Variants in HAL observed in about 807,000 individuals in gnomAD.
HAL encodes the protein histidine ammonia-lyase.
A neutral mutation model predicts 81.1 loss-of-function variants in HAL; 85 were observed. The ratio of observed to expected loss-of-function variants is 1.05; its 90% CI spans 0.88 to 1.25. The LOEUF (loss-of-function observed/expected upper bound fraction) is 1.25. Among genes scored for constraint, HAL ranks in the 50% most tolerant of loss-of-function variants. HAL has a pLI of 0.00. For synonymous variants in HAL, 301 were observed against 309.2 expected (o/e 0.97, Z 0.28); for missense variants, 798 against 836.6 (o/e 0.95, Z 0.57).
intron 9 of HAL, 69 bp downstream of exon 9, chr12:95,992,611 C>T (rs1592850543): frequency 8.0e-6 from 11 of 1,383,256 alleles, no homozygotes; most frequent in Non-Finnish European, 1.1e-5. Context: ...AGCATCTGGC[C>T]AATCAATTCT....
Position 95,994,783 on chromosome 12 carries a change from T to C in HAL, c.336+15A>G, listed in dbSNP as rs769065083. 8 of 1,612,422 alleles carry C rather than the reference T, an allele frequency of 5.0e-6. No individual in the cohort carries two copies. The Admixed American group carries it at 1.2e-4, about 24-fold the overall frequency. ...CTTAATTTTCTGAAGAAAAAGAAAG[T>C]GGTTTGAAGCTTACCTTTTCAGGCT... On this transcript the variant is annotated intron_variant, in intron 4 of 20. Transcript: ENST00000261208.
intron 9 of HAL, among the ~76,000 whole-genome samples, chr12:95,991,249 T>A (rs896019357): frequency 6.6e-6 from 1 of 152,232 alleles, no homozygotes; most frequent in Non-Finnish European, 1.5e-5. Context: ...ACTAGCTGTT[T>A]TTTTTTGTTT....
Position 95,982,117 on chromosome 12 carries a change from G to C in HAL, c.1288-1254C>G, listed in dbSNP as rs376806379. On this transcript the variant is annotated intron_variant, in intron 15 of 20. Coordinates refer to ENST00000261208, the MANE Select transcript of HAL (RefSeq NM_002108.4). ...TTAGACATGTTTTTATTGTCCTCTA[G>C]TTGTTCCAAATTTGTTTGTTGGCTA... Among the ~76,000 whole-genome samples, 20 of 152,238 alleles carry C rather than the reference G, an allele frequency of 1.3e-4. No homozygotes were observed. In the East Asian group the frequency reaches 1.5e-3, roughly 12 times the overall value.
In HAL at chr12:95,977,926, C is replaced by T. The variant is rs769249212; in HGVS notation, c.1654+18G>A. Reference sequence around the variant, plus strand: ...GGTCTATCAGGCAGGCCCGCCACCCCGAACTCATCAGCATTACCTTGCTCC... The same window carrying T: ...GGTCTATCAGGCAGGCCCGCCACCCTGAACTCATCAGCATTACCTTGCTCC... On this transcript the variant is annotated intron_variant, in intron 18 of 20. Transcript: ENST00000261208. 6.2e-6 allele frequency: 10 copies of T among 1,613,818 alleles called. No individual in the cohort carries two copies. Among genetic ancestry groups the T allele is most frequent in the Middle Eastern group, 1.7e-4 (1 of 6,058 alleles).
chr12:95,996,116 G>C lies in HAL; in HGVS notation c.-120C>G, dbSNP rs537728013. ...GGTTTTTGTAGCCGAGCAGGGGCAG[G>C]AGCAGGGGATGCAGACGGGTGAGCC... On this transcript the variant is annotated 5_prime_UTR_variant, in exon 1 of 21. Transcript: ENST00000261208. The C allele has an allele frequency of 1.7e-6, 1 of 601,794 alleles. No individual in the cohort carries two copies. The highest frequency in any genetic ancestry group is 1.8e-5 in the African/African-American group (1 of 54,840). 37.3% of individuals were successfully genotyped at this position (601,794 alleles called of 1,614,324 possible).
At chr12:95,988,357 G>T in intron 10 of HAL, 117 bp from the exon 11 acceptor site, 1 of 722,626 alleles carries the variant, frequency 1.4e-6, no homozygotes. Flanking sequence ...TATAAGAAAT[G>T]AGACCTACAG....
intron 8 of HAL, 81 bp from the exon 9 acceptor site, chr12:95,992,886 C>T (rs1275217713): frequency 1.5e-6 from 2 of 1,321,100 alleles, no homozygotes; most frequent in African/African-American, 2.9e-5. Flanking sequence ...TCCCTCCAAT[C>T]TTTCCCATAT....
chr12:95,982,515 A>C (rs1208411234), intron 15 of HAL, among the ~76,000 whole-genome samples: 1 of 152,280 alleles, frequency 6.6e-6, no homozygotes, highest in African/African-American at 2.4e-5. Flanking sequence ...GGTACGTGAG[A>C]TAAGACTACA....
intron 14 of HAL, 103 bp from the exon 15 acceptor site, chr12:95,984,094 T>C: frequency 1.4e-6 from 1 of 698,672 alleles, no homozygotes; most frequent in Admixed American, 2.1e-5. Context: ...TTATAAAGAA[T>C]ACAGAAGATC....
intron 20 of HAL, 159 bp downstream of exon 20, chr12:95,976,270 T>C: frequency 2.8e-6 from 2 of 720,430 alleles, no homozygotes; most frequent in Non-Finnish European, 5.1e-6. Flanking sequence ...GTTTATTATA[T>C]GGCTTCTTAG....
chr12:95,978,671 G>A (rs2080755144), intron 17 of HAL, among the ~76,000 whole-genome samples: 1 of 152,148 alleles, frequency 6.6e-6, no homozygotes, highest in Non-Finnish European at 1.5e-5. Flanking sequence ...CAAATATACT[G>A]AGCTTTGGGT....
At position 95,980,651 on chromosome 12, in the gene HAL, C is replaced by A; in HGVS notation, c.1424G>T (p.Cys475Phe). 2 of 1,613,924 alleles carry A rather than the reference C, an allele frequency of 1.2e-6. No homozygotes were observed. The highest frequency in any genetic ancestry group is 1.7e-6 in the Non-Finnish European group (2 of 1,179,790). Reference protein sequence around the residue: ...AISERRIERLCNPSLSELPAF... With the variant: ...AISERRIERLFNPSLSELPAF... ...AGGCAGCTCACTGAGGGAGGGATTG[C>A]AGAGCCGCTCGATTCTTCTCTCACT... Residue 475 changes from cysteine to phenylalanine, a missense_variant, in exon 17 of 21, where the codon TGC becomes TTC. Transcript: ENST00000261208.
chr12:95,992,753 C>T lies in HAL; in HGVS notation c.642G>A (p.Arg214=). 6.2e-7 allele frequency: 1 copy of T among 1,612,018 alleles called. No individual in the cohort carries two copies. The highest frequency in any genetic ancestry group is 8.5e-7 in the Non-Finnish European group (1 of 1,178,040). Reference sequence around the variant, plus strand: ...TGTATCCTTTGGCTAAGACATTGATCCTTAAAGCCAAGAGCATCCGACACC... The same window carrying T: ...TGTATCCTTTGGCTAAGACATTGATTCTTAAAGCCAAGAGCATCCGACACC... ...PERCRMLLAL[R]INVLAKGYSG... Residue 214 remains arginine, a synonymous_variant, in exon 9 of 21, where the codon AGG becomes AGA. Transcript: ENST00000261208.
chr12:95,994,042 C>A, intron 5 of HAL, 44 bp from the exon 6 acceptor site: 3 of 1,595,028 alleles, frequency 1.9e-6, no homozygotes, highest in South Asian at 2.2e-5. Context: ...AAGACTTCCA[C>A]GGGCAACAAA....
chr12:95,988,165 T>A, intron 11 of HAL, 28 bp downstream of exon 11: 1 of 1,145,484 alleles, frequency 8.7e-7, no homozygotes, highest in Non-Finnish European at 1.3e-6. Context: ...TCATGCACTA[T>A]GAACATATTT....
At chr12:95,976,544 C>A in intron 19 of HAL, 46 bp from the exon 20 acceptor site, 5 of 1,590,848 alleles carry the variant, frequency 3.1e-6, no homozygotes, top group Non-Finnish European at 3.5e-6. Context: ...TGAAACCCTG[C>A]CAGGGTTCAC....
rs745633929 is a variant in HAL, at chr12:95,976,632, C to G, written c.1729G>C (p.Glu577Gln). ...GAGCGCACCAGGTCATAGACCTTCTCCAGCGGAGTGGTTGTTTTCAGGGGA... is the reference window on the plus strand; with the variant it reads ...GAGCGCACCAGGTCATAGACCTTCTGCAGCGGAGTGGTTGTTTTCAGGGGA... ...LRPLKTTTPL[E>Q]KVYDLVRSVV... Residue 577 changes from glutamate (E) to glutamine (Q), a missense_variant, in exon 19 of 21, where the codon GAG (glutamate) becomes CAG (glutamine). By Grantham distance (29) the Glu-to-Gln change is conservative (BLOSUM62 2). Coordinates refer to ENST00000261208, the MANE Select transcript of HAL (RefSeq NM_002108.4). The G allele has an allele frequency of 2.5e-6, 4 of 1,612,706 alleles. No homozygotes were observed. In the South Asian group the frequency reaches 3.3e-5, roughly 13 times the overall value.
At position 95,973,915 on chromosome 12, in the gene HAL, A is replaced by C. The variant is rs2080684348; in HGVS notation, c.*317T>G. 1 of 269,312 alleles carries C rather than the reference A, an allele frequency of 3.7e-6. No homozygotes were observed. The highest frequency in any genetic ancestry group is 4.8e-5 in the Admixed American group (1 of 20,958). 16.7% of individuals were successfully genotyped at this position (269,312 alleles called of 1,614,324 possible). A position where few individuals can be genotyped will look rare whatever the true frequency, so the allele number is the denominator to read the frequency against. ...AAATTTGAATTCATCTAATGCTAAG[A>C]GTAAAAAACAGGCACATACAATTGT... On this transcript the variant is annotated 3_prime_UTR_variant, in exon 21 of 21. Coordinates refer to ENST00000261208, the MANE Select transcript of HAL (RefSeq NM_002108.4).
At chr12:95,978,683 G>A (rs906237164) in intron 17 of HAL, among the ~76,000 whole-genome samples, 11 of 152,106 alleles carry the variant, frequency 7.2e-5, no homozygotes, top group African/African-American at 2.2e-4. Context: ...GCTTTGGGTG[G>A]GGCGTGAAAT....
Sources: allele counts gnomAD v4.1 joint callset (sites outside exome capture counted in the v4.1 genomes callset), GRCh38; gene constraint gnomAD v4.1.1; transcripts MANE v1.5; gene names NCBI Gene and HGNC (gene_info 2026-07-23, HGNC 2026-07-21).